The following NFIB variants were observed in gnomAD, a reference collection of about 807,000 sequenced individuals.
The protein encoded by NFIB is nuclear factor 1 B-type.
A neutral mutation model predicts 61.5 loss-of-function variants in NFIB; 11 were observed. The ratio of observed to expected loss-of-function variants is 0.18; its 90% CI spans 0.11 to 0.30. The LOEUF (loss-of-function observed/expected upper bound fraction) is 0.30. Among genes scored for constraint, NFIB ranks in the 10% least tolerant of loss-of-function variants. The probability of loss-of-function intolerance (pLI) is 1.00; values close to 1 mark genes in which losing one functional copy is unlikely to be tolerated. For missense variants in NFIB, 471 were observed against 608.9 expected (o/e 0.77, Z 2.38); for synonymous variants, 260 against 216.5 (o/e 1.20, Z -1.76).
chr9:14,178,851 T>C (rs2046444144), intron 3 of NFIB, among the ~76,000 whole-genome samples: 1 of 152,128 alleles, frequency 6.6e-6, no homozygotes, highest in African/African-American at 2.4e-5. Flanking sequence ...CTGAGGAAAC[T>C]TTTCCTATTA....
chr9:14,174,792 G>T (rs990676383), intron 3 of NFIB, among the ~76,000 whole-genome samples: 10 of 149,232 alleles, frequency 6.7e-5, no homozygotes, highest in Non-Finnish European at 4.5e-5. Context: ...AAAAGTGAAT[G>T]AAATATGATT....
At chr9:14,254,678 G>A (rs1587951871) in intron 2 of NFIB, among the ~76,000 whole-genome samples, 1 of 152,238 alleles carries the variant, frequency 6.6e-6, no homozygotes, top group East Asian at 1.9e-4. Context: ...ATGATACATA[G>A]GTTCCTGAGA....
At position 14,202,113 on chromosome 9, in the gene NFIB, T is replaced by C. The variant is rs559255851; in HGVS notation, c.563-22333A>G. ...ATCTGTAATCATTATATTTTGAAGA[T>C]AAAATTGATACTTTTCACACACACA... On this transcript the variant is annotated intron_variant, in intron 2 of 10. Transcript: ENST00000380953. 7.7e-5 allele frequency among the ~76,000 whole-genome samples: 11 copies of C among 143,286 alleles called. No individual in the cohort carries two copies. In the South Asian group the frequency reaches 2.2e-3, roughly 29 times the overall value. The allele number at this position is 143,286 out of a possible 152,430, so 94.0% of individuals were successfully genotyped here.
the NFIB span, among the ~76,000 whole-genome samples, chr9:14,416,730 G>C: frequency 6.6e-6 from 1 of 151,872 alleles, no homozygotes; most frequent in Non-Finnish European, 1.5e-5. Flanking sequence ...TATAAATGTA[G>C]TGTGGCCCAA....
the NFIB span, among the ~76,000 whole-genome samples, chr9:14,500,031 T>A: frequency 6.6e-6 from 1 of 152,234 alleles, no homozygotes; most frequent in Non-Finnish European, 1.5e-5. Context: ...ACTCAATTAT[T>A]GCTAAATTCA....
At chr9:14,191,589 A>G (rs75658568) in intron 2 of NFIB, among the ~76,000 whole-genome samples, 14 of 152,316 alleles carry the variant, frequency 9.2e-5, no homozygotes, top group African/African-American at 3.1e-4. Flanking sequence ...TAGAGATTCA[A>G]ATCAATTCCT....
At chr9:14,269,628 G>A (rs1398220997) in intron 2 of NFIB, among the ~76,000 whole-genome samples, 2 of 152,278 alleles carry the variant, frequency 1.3e-5, no homozygotes, top group Non-Finnish European at 1.5e-5. Context: ...AATGTTACAC[G>A]TGAAAAAGAA....
chr9:14,134,405 G>A lies in NFIB; in HGVS notation c.926-8639C>T, dbSNP rs1025633711. 4.6e-5 allele frequency among the ~76,000 whole-genome samples: 7 copies of A among 152,256 alleles called. No homozygotes were observed. The South Asian group carries it at 1.0e-3, about 23-fold the overall frequency. On this transcript the variant is annotated intron_variant, in intron 6 of 10. Transcript: ENST00000380953. ...TTGGTGACTTCATGCCAGGCAGTAT[G>A]CTAGGGACTTGGGACAGTGAAAAGA...
the NFIB span, among the ~76,000 whole-genome samples, chr9:14,483,627 G>A: frequency 2.6e-5 from 4 of 152,116 alleles, no homozygotes; most frequent in African/African-American, 9.7e-5. Context: ...TGCCTGCCAG[G>A]GATTAAAGGA....
intron 2 of NFIB, among the ~76,000 whole-genome samples, chr9:14,221,379 A>T (rs1446678882): frequency 6.6e-6 from 1 of 152,236 alleles, no homozygotes; most frequent in African/African-American, 2.4e-5. Context: ...ATTTGGTTGA[A>T]TCACACAATA....
At chr9:14,314,312 C>A, upstream of NFIB, 1 of 252,424 alleles carries the variant, frequency 4.0e-6, no homozygotes, top group South Asian at 1.4e-4. Flanking sequence ...CGCGCCGGGT[C>A]TTCGGCGCCC....
At chr9:14,429,368 G>C in the NFIB span, among the ~76,000 whole-genome samples, 1 of 152,306 alleles carries the variant, frequency 6.6e-6, no homozygotes, top group South Asian at 2.1e-4. Flanking sequence ...GGAGTCAAGA[G>C]TGGCAAAGGC....
intron 1 of NFIB, among the ~76,000 whole-genome samples, chr9:14,349,782 A>G (rs939427670): frequency 2.6e-5 from 4 of 152,112 alleles, no homozygotes; most frequent in African/African-American, 4.8e-5. Context: ...TATTAGTGAC[A>G]ATTTCTTGCA....
exon 1 of NFIB, chr9:14,398,532 C>T: frequency 6.5e-7 from 1 of 1,533,164 alleles, no homozygotes; most frequent in African/African-American, 1.4e-5. Context: ...ACAGAAAATC[C>T]AAAGCACAGA....
In NFIB at chr9:14,082,122, G is replaced by A. The variant is rs990992678; in HGVS notation, c.*6187C>T. ...GGCCCAGTCTGGGGTTGATCCCAGAGGCCTGAACTCTAGAAATTAAGTAAC... is the reference window on the plus strand; with the variant it reads ...GGCCCAGTCTGGGGTTGATCCCAGAAGCCTGAACTCTAGAAATTAAGTAAC... On this transcript the variant is annotated 3_prime_UTR_variant, in exon 11 of 11. Transcript: ENST00000380953. 3 of 209,854 alleles carry A rather than the reference G, an allele frequency of 1.4e-5. No homozygotes were observed. Among genetic ancestry groups the A allele is most frequent in the African/African-American group, 4.5e-5 (2 of 44,102 alleles). 13.0% of individuals were successfully genotyped at this position (209,854 alleles called of 1,614,324 possible). A position where few individuals can be genotyped will look rare whatever the true frequency, so the allele number is the denominator to read the frequency against.
At chr9:14,523,040 G>C in the NFIB span, among the ~76,000 whole-genome samples, 1 of 152,102 alleles carries the variant, frequency 6.6e-6, no homozygotes, top group Non-Finnish European at 1.5e-5. Flanking sequence ...AGAGTTGAGG[G>C]AAAGAAAAGT....
chr9:14,169,937 T>C (rs2045379637), intron 3 of NFIB, among the ~76,000 whole-genome samples: 1 of 152,242 alleles, frequency 6.6e-6, no homozygotes, highest in Admixed American at 6.5e-5. Context: ...GTAGGAGATT[T>C]GTCCAAGATC....
At chr9:14,198,515 G>A (rs2048687668) in intron 2 of NFIB, among the ~76,000 whole-genome samples, 1 of 152,158 alleles carries the variant, frequency 6.6e-6, no homozygotes, top group Non-Finnish European at 1.5e-5. Flanking sequence ...AAGTAGAACA[G>A]CTTGCCGTAT....
chr9:14,289,225 T>TAC lies in NFIB; in HGVS notation c.562+17762_562+17763dup, dbSNP rs1449320602. On this transcript the variant is annotated intron_variant, in intron 2 of 10. Coordinates refer to ENST00000380953, the MANE Select transcript of NFIB (RefSeq NM_001190737.2). ...CAAATATATAATTTGGTATACCAAA[T>TAC]ACACATATATATATGCATACACATA... is the stretch of plus-strand genomic sequence containing the variant. Among the ~76,000 whole-genome samples, 154 of 42,102 alleles carry TAC rather than the reference T, an allele frequency of 3.7e-3. 2 individuals carry two copies. The highest frequency in any genetic ancestry group is 7.0e-3 in the African/African-American group (132 of 18,812). 27.6% of individuals were successfully genotyped at this position (42,102 alleles called of 152,430 possible).
Sources: gnomAD v4.1 joint callset for allele counts (sites outside exome capture counted in the v4.1 genomes callset) on GRCh38, gnomAD v4.1.1 for gene constraint, MANE v1.5 for transcripts, NCBI Gene and HGNC (gene_info 2026-07-23, HGNC 2026-07-21) for gene names.